The following ASAP1 variants were observed in gnomAD, a reference collection of about 807,000 sequenced individuals.
The protein encoded by ASAP1 is ArfGAP with SH3 domain, ankyrin repeat and PH domain 1, also known as arf-GAP with SH3 domain, ANK repeat and PH domain-containing protein 1.
In ASAP1, 43 loss-of-function variants were observed where a neutral mutation model predicts 145.2. The ratio of observed to expected loss-of-function variants is 0.30; its 90% confidence interval spans 0.23 to 0.38. The LOEUF (loss-of-function observed/expected upper bound fraction) is 0.38. Ranked by LOEUF, ASAP1 falls within the 10% of genes least tolerant of loss-of-function variation. The probability of loss-of-function intolerance (pLI) is 1.00; values close to 1 mark genes in which losing one functional copy is unlikely to be tolerated. For synonymous variants in ASAP1, 546 were observed against 515.5 expected (o/e 1.06, Z -0.80); for missense variants, 1,018 against 1,355.3 (o/e 0.75, Z 3.91).
chr8:130,074,799 T>C (rs958249976), intron 27 of ASAP1, among the ~76,000 whole-genome samples: 3 of 152,176 alleles, frequency 2.0e-5, no homozygotes, highest in African/African-American at 7.2e-5. Flanking sequence ...GTTGCGGTGC[T>C]GGGACTGCTG....
At chr8:130,261,383 T>C (rs1037732831) in intron 3 of ASAP1, among the ~76,000 whole-genome samples, 6 of 152,236 alleles carry the variant, frequency 3.9e-5, no homozygotes, top group African/African-American at 1.2e-4. Context: ...TATATGCTAC[T>C]TGCACCTAAT....
chr8:130,170,823 A>T (rs1428936006), intron 9 of ASAP1, among the ~76,000 whole-genome samples: 1 of 152,002 alleles, frequency 6.6e-6, no homozygotes, highest in African/African-American at 2.4e-5. Flanking sequence ...GGCTCAAGTG[A>T]TCCTCCCATC....
chr8:130,424,869 T>C (rs899878771), intron 1 of ASAP1, among the ~76,000 whole-genome samples: 1 of 152,068 alleles, frequency 6.6e-6, no homozygotes, highest in Admixed American at 6.6e-5. Context: ...GGCAGGTGCC[T>C]GTAGTTCCAG....
chr8:130,119,944 T>G (rs192025859), intron 18 of ASAP1, among the ~76,000 whole-genome samples: 1 of 152,318 alleles, frequency 6.6e-6, no homozygotes, highest in African/African-American at 2.4e-5. Flanking sequence ...AAATATGCAT[T>G]CCACCTGTGG....
chr8:130,278,446 G>A (rs1334731744), intron 3 of ASAP1, among the ~76,000 whole-genome samples: 1 of 152,042 alleles, frequency 6.6e-6, no homozygotes, highest in Non-Finnish European at 1.5e-5. Flanking sequence ...GACATCAACA[G>A]CGTCAGGGTG....
At chr8:130,127,384 T>A (rs1375742013) in intron 16 of ASAP1, among the ~76,000 whole-genome samples, 1 of 151,996 alleles carries the variant, frequency 6.6e-6, no homozygotes, top group Non-Finnish European at 1.5e-5. Context: ...GCCCAGCTAG[T>A]TTTTGTATTT....
chr8:130,353,296 A>G lies in ASAP1; in HGVS notation c.186+4721T>C, dbSNP rs560875960. Among the ~76,000 whole-genome samples the G allele has an allele frequency of 5.9e-5, 9 of 152,212 alleles. No homozygotes were observed. In the South Asian group the frequency reaches 1.9e-3, roughly 32 times the overall value. On this transcript the variant is annotated intron_variant, in intron 3 of 29. Coordinates refer to ENST00000518721, the MANE Select transcript of ASAP1 (RefSeq NM_018482.4). ...TGTGTTGAACAAATGCTGTTCACGG[A>G]TTATACTCAAATGAGTTCCCACATT...
At chr8:130,394,812 T>C (rs113489287) in intron 2 of ASAP1, among the ~76,000 whole-genome samples, 13,029 of 152,208 alleles carry the variant, frequency 0.086, 619 homozygotes, top group African/African-American at 0.14. Context: ...GCAGGTTCCC[T>C]GATAACTCTG....
intron 4 of ASAP1, 80 bp downstream of exon 4, chr8:130,236,842 T>C (rs563612918): frequency 1.9e-5 from 20 of 1,080,468 alleles, no homozygotes; most frequent in East Asian, 7.7e-5. Flanking sequence ...TCCTATAAAC[T>C]TAACATCTTT....
At chr8:130,126,310 A>C (rs2097574870) in intron 16 of ASAP1, among the ~76,000 whole-genome samples, 1 of 152,216 alleles carries the variant, frequency 6.6e-6, no homozygotes, top group Non-Finnish European at 1.5e-5. Flanking sequence ...CTTGTGAAAA[A>C]GTGAGAAAGG....
At chr8:130,126,127 A>T in intron 16 of ASAP1, 38 bp from the exon 17 acceptor site, 2 of 1,581,476 alleles carry the variant, frequency 1.3e-6, no homozygotes, top group Non-Finnish European at 1.7e-6. Flanking sequence ...AACAAAAAAG[A>T]CATCTAATTT....
chr8:130,227,463 G>T (rs2136564389), intron 4 of ASAP1, among the ~76,000 whole-genome samples: 1 of 151,648 alleles, frequency 6.6e-6, no homozygotes, highest in East Asian at 1.9e-4. Context: ...TTGCCATGTT[G>T]CCCAGGCTGG....
chr8:130,128,906 T>C (rs1226119189), intron 15 of ASAP1, among the ~76,000 whole-genome samples: 1 of 152,218 alleles, frequency 6.6e-6, no homozygotes, highest in Non-Finnish European at 1.5e-5. Flanking sequence ...AAAAAACCTA[T>C]TATATGATTG....
chr8:130,158,744 A>G (rs1428445230), intron 12 of ASAP1, among the ~76,000 whole-genome samples: 1 of 144,618 alleles, frequency 6.9e-6, no homozygotes, highest in Non-Finnish European at 1.5e-5. Flanking sequence ...ATGCTTTATG[A>G]TTTTTTTTTT....
At chr8:130,087,668 A>C (rs28380096) in intron 25 of ASAP1, among the ~76,000 whole-genome samples, 18,154 of 152,156 alleles carry the variant, frequency 0.12, 1,558 homozygotes, top group African/African-American at 0.24. Flanking sequence ...TGGTGGTGTG[A>C]ACAGGTGGCC....
chr8:130,097,734 T>A (rs2097521598), intron 24 of ASAP1, among the ~76,000 whole-genome samples: 1 of 142,066 alleles, frequency 7.0e-6, no homozygotes, highest in Non-Finnish European at 1.5e-5. Context: ...CAATTTAGTC[T>A]CTCAAAAAGT....
intron 1 of ASAP1, among the ~76,000 whole-genome samples, chr8:130,418,417 A>G (rs1829577107): frequency 6.6e-6 from 1 of 152,076 alleles, no homozygotes; most frequent in Non-Finnish European, 1.5e-5. Flanking sequence ...TCATGGTGGC[A>G]TGAGCCTGTA....
At chr8:130,371,869 C>T (rs1367808764) in intron 2 of ASAP1, among the ~76,000 whole-genome samples, 1 of 152,188 alleles carries the variant, frequency 6.6e-6, no homozygotes. Flanking sequence ...TTTGTTTGTA[C>T]AGAGTTGAAA....
chr8:130,361,455 AT>A, intron 2 of ASAP1, among the ~76,000 whole-genome samples: 1 of 152,200 alleles, frequency 6.6e-6, no homozygotes, highest in African/African-American at 2.4e-5. Flanking sequence ...ACAGCTGGGG[AT>A]TTCTTTCTTG....
Sources: allele counts gnomAD v4.1 joint callset (sites outside exome capture counted in the v4.1 genomes callset), GRCh38; gene constraint gnomAD v4.1.1; transcripts MANE v1.5; gene names NCBI Gene and HGNC (gene_info 2026-07-23, HGNC 2026-07-21).